The following SDF4 variants were observed in gnomAD, a reference collection of about 807,000 sequenced individuals.
The protein encoded by SDF4 is stromal cell derived factor 4, also known as 45 kDa calcium-binding protein.
In SDF4, 22 loss-of-function variants were observed where a neutral mutation model predicts 34.2. That is an observed-to-expected ratio of 0.64 (90% CI 0.46 to 0.92). The LOEUF (loss-of-function observed/expected upper bound fraction) is 0.92. Among genes scored for constraint, SDF4 ranks in the 40% least tolerant of loss-of-function variants. SDF4 has a pLI of 0.00. For synonymous variants in SDF4, 236 were observed against 203.1 expected, an observed-to-expected ratio of 1.16 and a Z score of -1.38; for missense variants, 447 against 499.9, an observed-to-expected ratio of 0.89 and a Z score of 1.01.
At chr1:1,219,628 T>G in intron 4 of SDF4, 2 of 986,148 alleles carry the variant, frequency 2.0e-6, no homozygotes, top group Non-Finnish European at 2.4e-6. Context: ...TCTGGGTGTG[T>G]GGCCCCCGCT....
rs1638515946 is a variant in SDF4, at chr1:1,231,966, G to A, written c.-249C>T. The A allele has an allele frequency of 1.3e-5, 2 of 152,226 alleles. No homozygotes were observed. The highest frequency in any genetic ancestry group is 2.9e-5 in the Non-Finnish European group (2 of 68,064). 9.4% of individuals were successfully genotyped at this position (152,226 alleles called of 1,614,324 possible). A position where few individuals can be genotyped will look rare whatever the true frequency, so the allele number is the denominator to read the frequency against. On this transcript the variant is annotated 5_prime_UTR_variant, in exon 1 of 7. Transcript: ENST00000360001. ...TGACGCCGCCAACGGGCCCGGATCA[G>A]GCCACTGCCATCTTTCTTGCGGGCG...
chr1:1,228,340 G>A, intron 2 of SDF4, 128 bp downstream of exon 2: 9 of 1,053,800 alleles, frequency 8.5e-6, no homozygotes, highest in Non-Finnish European at 1.2e-5. Context: ...CTCATCACCG[G>A]CACGTCTTCC....
chr1:1,221,693 G>A (rs998958859), intron 4 of SDF4, among the ~76,000 whole-genome samples: 1 of 152,176 alleles, frequency 6.6e-6, no homozygotes, highest in Non-Finnish European at 1.5e-5. Flanking sequence ...AGGCGCAGTG[G>A]CTCACGCCTA....
chr1:1,228,684 C>G lies in SDF4; in HGVS notation c.89G>C (p.Arg30Pro). ...GAVLLMDASA[R>P]PANHSSTRER... ...TCGAGTGGACGAGTGGTTGGCAGGC[C>G]GTGCAGACGCGTCCATCAGAAGGAC... is the stretch of plus-strand genomic sequence containing the variant. Residue 30 changes from arginine to proline, a missense_variant, in exon 2 of 7, where the codon CGG becomes CCG. Physicochemically the swap from Arg to Pro is moderately radical, Grantham distance 103. Coordinates refer to ENST00000360001, the MANE Select transcript of SDF4 (RefSeq NM_016176.6). The G allele has an allele frequency of 1.2e-6, 2 of 1,612,988 alleles. No homozygotes were observed. The highest frequency in any genetic ancestry group is 1.7e-6 in the Non-Finnish European group (2 of 1,180,016).
chr1:1,218,963 C>A lies in SDF4; in HGVS notation c.557-36G>T, dbSNP rs140026025. ...CGCAGCCTGTGGGTATCGAGGCCGA[C>A]AGACGCCAGCACGCAAATCCAGAAA... On this transcript the variant is annotated intron_variant, in intron 4 of 6. Transcript: ENST00000360001. This position sits in a 1 kb window ranked among gnomAD's most constrained non-coding sequence, Gnocchi z 7.9. 6.2e-7 allele frequency: 1 copy of A among 1,612,260 alleles called. No individual in the cohort carries two copies. The highest frequency in any genetic ancestry group is 1.3e-5 in the African/African-American group (1 of 74,898).
At position 1,222,962 on chromosome 1, in the gene SDF4, C is replaced by T. The variant is rs909907967; in HGVS notation, c.556+282G>A. 2.5e-4 allele frequency among the ~76,000 whole-genome samples: 38 copies of T among 152,198 alleles called. 1 individual carries two copies. Among genetic ancestry groups the T allele is most frequent in the African/African-American group, 8.4e-4 (35 of 41,444 alleles). On this transcript the variant is annotated intron_variant, in intron 4 of 6. Coordinates refer to ENST00000360001, the MANE Select transcript of SDF4 (RefSeq NM_016176.6). The stretch of plus-strand genomic sequence containing the variant: ...ACGCACAGCGCACTCGTACACACGA[C>T]ACGCACACACGTACAAGCACATGCA...
chr1:1,220,636 CAG>C (rs1440471404), intron 4 of SDF4: 1 of 1,289,104 alleles, frequency 7.8e-7, no homozygotes, highest in East Asian at 5.5e-5. Context: ...CCCCAAAACG[CAG>C]AGTGAATTCT....
At chr1:1,223,156 CACACACGGCACACTCATGT>C (rs766403077) in intron 4 of SDF4, 69 bp downstream of exon 4, 1 of 923,346 alleles carries the variant, frequency 1.1e-6, no homozygotes, top group South Asian at 1.3e-5. Flanking sequence ...TCATACACGA[CACACACGGCACACTCATGT>C]ACACACAACA....
intron 2 of SDF4, among the ~76,000 whole-genome samples, chr1:1,225,277 C>A (rs541692654): frequency 6.6e-6 from 1 of 152,218 alleles, no homozygotes; most frequent in Non-Finnish European, 1.5e-5. Context: ...CCGGCTGGTG[C>A]GTTTGCCGGA....
chr1:1,224,783 G>A (rs111452679), intron 2 of SDF4, among the ~76,000 whole-genome samples: 18,692 of 152,142 alleles, frequency 0.12, 1,277 homozygotes, highest in East Asian at 0.18. Flanking sequence ...GCGCGGTGGC[G>A]TGCACCTGTG....
intron 4 of SDF4, chr1:1,219,875 G>A (rs1390132824): frequency 2.3e-5 from 23 of 985,644 alleles, no homozygotes; most frequent in East Asian, 1.1e-4. Flanking sequence ...TCTGCGTCGC[G>A]CTCACTGCGG....
At position 1,217,442 on chromosome 1, in the gene SDF4, C is replaced by G; in HGVS notation, c.*70G>C. 1 of 1,290,420 alleles carries G rather than the reference C, an allele frequency of 7.7e-7. No homozygotes were observed. Among genetic ancestry groups the G allele is most frequent in the Non-Finnish European group, 1.0e-6 (1 of 1,001,284 alleles). 79.9% of individuals were successfully genotyped at this position (1,290,420 alleles called of 1,614,324 possible). A position where few individuals can be genotyped will look rare whatever the true frequency, so the allele number is the denominator to read the frequency against. On this transcript the variant is annotated 3_prime_UTR_variant, in exon 7 of 7. Transcript: ENST00000360001. This position sits in a 1 kb window ranked among gnomAD's most constrained non-coding sequence, Gnocchi z 8.5. ...GAAGAGGTGGGGTCCGGGACAGCCA[C>G]GGAGCCCGGAGTCACCCGCGAGGCC... is the stretch of plus-strand genomic sequence containing the variant.
At chr1:1,230,008 C>G (rs1324293581) in intron 1 of SDF4, among the ~76,000 whole-genome samples, 2 of 152,242 alleles carry the variant, frequency 1.3e-5, no homozygotes, top group Non-Finnish European at 2.9e-5. Context: ...TCCTGCCGTC[C>G]GAGGCGTGGC....
intron 2 of SDF4, among the ~76,000 whole-genome samples, chr1:1,225,811 G>A (rs550252456): frequency 5.9e-5 from 9 of 152,230 alleles, no homozygotes; most frequent in East Asian, 1.9e-4. Flanking sequence ...AGACACACAC[G>A]AGGCAGAGCA....
intron 4 of SDF4, 55 bp downstream of exon 4, chr1:1,223,187 ACG>A (rs201806055): frequency 1.1e-5 from 13 of 1,166,848 alleles, no homozygotes; most frequent in Non-Finnish European, 1.7e-5. Context: ...CACACAACAC[ACG>A]CGCGCACACA....
In SDF4 at chr1:1,217,983, T is replaced by C. The variant is rs1477344957; in HGVS notation, c.892-295A>G. Among the ~76,000 whole-genome samples the C allele has an allele frequency of 6.6e-6, 1 of 152,122 alleles. No individual in the cohort carries two copies. Among genetic ancestry groups the C allele is most frequent in the Non-Finnish European group, 1.5e-5 (1 of 68,012 alleles). On this transcript the variant is annotated intron_variant, in intron 6 of 6. Transcript: ENST00000360001. The surrounding 1 kb of genome is among the most constrained non-coding windows in gnomAD (Gnocchi z 8.5). ...CGGGCCCACTGGCTGTCGCCAGGAA[T>C]CACAGGATTCTACATAAAAACAAGA...
Position 1,223,340 on chromosome 1 carries a change from C to G in SDF4, c.460G>C (p.Glu154Gln), listed in dbSNP as rs373119259. 1 of 1,611,956 alleles carries G rather than the reference C, an allele frequency of 6.2e-7. No homozygotes were observed. Among genetic ancestry groups the G allele is most frequent in the Non-Finnish European group, 8.5e-7 (1 of 1,178,734 alleles). ...CTCGCCAAAAACTTCACCTTATACT[C>G]GTCCCAAGACACGTGACCTGGAAGA... ...PDGDGHVSWD[E>Q]YKVKFLASKG... Residue 154 changes from glutamate to glutamine, a missense_variant, in exon 4 of 7, where the codon GAG becomes CAG. Physicochemically the swap from Glu to Gln is conservative, Grantham distance 29. Transcript: ENST00000360001.
chr1:1,223,720 C>T, intron 3 of SDF4, 112 bp downstream of exon 3: 1 of 1,053,732 alleles, frequency 9.5e-7, no homozygotes, highest in African/African-American at 1.6e-5. Flanking sequence ...GCTGACACTT[C>T]CCCACCGCCC....
At chr1:1,219,647 G>C in intron 4 of SDF4, 1 of 986,244 alleles carries the variant, frequency 1.0e-6, no homozygotes, top group South Asian at 4.7e-5. Context: ...CTCTCCTGCC[G>C]TGCCCACCCG....
Sources: gnomAD v4.1 joint callset for allele counts (sites outside exome capture counted in the v4.1 genomes callset) on GRCh38, gnomAD v4.1.1 for gene constraint, Gnocchi (gnomAD v3.1) non-coding constraint, MANE v1.5 for transcripts, NCBI Gene and HGNC (gene_info 2026-07-23, HGNC 2026-07-21) for gene names.